Variants in PCDHGA11 observed in about 807,000 individuals in gnomAD.
PCDHGA11 encodes protocadherin gamma subfamily A, 11.
PCDHGA11 carries 39 observed loss-of-function variants against 60.4 expected under a neutral mutation model. That is an observed-to-expected ratio of 0.65 (90% CI 0.50 to 0.84). The LOEUF is 0.84. Ranked by LOEUF, PCDHGA11 falls within the 40% of genes least tolerant of loss-of-function variation. The probability of loss-of-function intolerance (pLI) is 0.00; values close to 1 mark genes in which losing one functional copy is unlikely to be tolerated. For synonymous variants in PCDHGA11, 533 were observed against 510.3 expected (o/e 1.04, Z -0.60); for missense variants, 1,165 against 1,197.7 (o/e 0.97, Z 0.40).
intron 1 of PCDHGA11, among the ~76,000 whole-genome samples, chr5:141,433,482 C>T (rs935076625): frequency 3.3e-5 from 5 of 152,110 alleles, no homozygotes; most frequent in African/African-American, 9.6e-5. Flanking sequence ...TAGCCTCCTG[C>T]TTCTCCCTCC....
intron 1 of PCDHGA11, among the ~76,000 whole-genome samples, chr5:141,488,553 T>C (rs2099676887): frequency 6.6e-6 from 1 of 152,166 alleles, no homozygotes; most frequent in South Asian, 2.1e-4. Flanking sequence ...TCAGCTGACA[T>C]TGAGATTTCC....
intron 1 of PCDHGA11, chr5:141,428,189 CTCTCTGCGCCGCTACGCTTCACCTAG>C: frequency 7.0e-7 from 1 of 1,429,262 alleles, no homozygotes; most frequent in Non-Finnish European, 9.7e-7. Flanking sequence ...ACAGCCGCCG[CTCTCTGCGCCGCTACGCTTCACCTAG>C]TCTTCGCAGA....
chr5:141,472,529 G>C lies in PCDHGA11; in HGVS notation c.2434-22278G>C, dbSNP rs553065027. 9.3e-5 allele frequency among the ~76,000 whole-genome samples: 14 copies of C among 151,058 alleles called. No individual in the cohort carries two copies. In the East Asian group the frequency reaches 2.6e-3, roughly 28 times the overall value. ...CACTCCAGCCTGGGTGACAGAGTGA[G>C]ACACCATCTCAAGAAAAAAAAAATT... On this transcript the variant is annotated intron_variant, in intron 1 of 3. Transcript: ENST00000398587.
At position 141,486,609 on chromosome 5, in the gene PCDHGA11, C is replaced by T; in HGVS notation, c.2434-8198C>T. The T allele has an allele frequency of 6.2e-7, 1 of 1,613,568 alleles. No homozygotes were observed. ...GGGGACCTGCTTTGCTCCCTTGCAG[C>T]CTCTGACCCAGACTCTGGCTTGAAT... On this transcript the variant is annotated intron_variant, in intron 1 of 3. Transcript: ENST00000398587. The surrounding 1 kb of genome is among the most constrained non-coding windows in gnomAD (Gnocchi z 5.0).
chr5:141,468,374 C>T (rs1340499708), intron 1 of PCDHGA11: 2 of 150,736 alleles, frequency 1.3e-5, no homozygotes, highest in Non-Finnish European at 3.0e-5. Context: ...ATAACTCAGC[C>T]ATACAAGGCT....
chr5:141,471,790 C>T (rs1465283136), intron 1 of PCDHGA11, among the ~76,000 whole-genome samples: 1 of 152,068 alleles, frequency 6.6e-6, no homozygotes, highest in Non-Finnish European at 1.5e-5. Context: ...TATGCTATGT[C>T]ATATAAAAGA....
rs183831513 is a variant in PCDHGA11 at position 141,497,605 on chromosome 5, T to A, written c.2492+2740T>A. ...CCCAAGCTGGAGTGCAGTGGTGCGA[T>A]CTTGGCTCACTGCAACCTCTGCCTG... On this transcript the variant is annotated intron_variant, in intron 2 of 3. Coordinates refer to ENST00000398587, the MANE Select transcript of PCDHGA11 (RefSeq NM_018914.3). Among the ~76,000 whole-genome samples, 19 of 151,488 alleles carry A rather than the reference T, an allele frequency of 1.3e-4. No individual in the cohort carries two copies. In the East Asian group the frequency reaches 3.7e-3, roughly 29 times the overall value.
chr5:141,433,514 G>C (rs1330494451), intron 1 of PCDHGA11, among the ~76,000 whole-genome samples: 1 of 152,016 alleles, frequency 6.6e-6, no homozygotes, highest in East Asian at 1.9e-4. Context: ...GATTACAGGC[G>C]TGAACCACAG....
At position 141,485,222 on chromosome 5, in the gene PCDHGA11, C is replaced by T; in HGVS notation, c.2434-9585C>T. On this transcript the variant is annotated intron_variant, in intron 1 of 3. Transcript: ENST00000398587. The surrounding 1 kb of genome is among the most constrained non-coding windows in gnomAD (Gnocchi z 5.7). The stretch of plus-strand genomic sequence containing the variant: ...GACAGAAATCTGGCGGTGGGCTACC[C>T]TTTTGTTCCTCTTTTACCACCTGGG... 4 of 1,614,196 alleles carry T rather than the reference C, an allele frequency of 2.5e-6. No homozygotes were observed. Among genetic ancestry groups the T allele is most frequent in the Non-Finnish European group, 2.5e-6 (3 of 1,180,020 alleles).
intron 1 of PCDHGA11, among the ~76,000 whole-genome samples, chr5:141,459,160 T>C (rs1330588092): frequency 6.6e-6 from 1 of 152,228 alleles, no homozygotes; most frequent in African/African-American, 2.4e-5. Context: ...AGAACATTTC[T>C]ATAACCTTCA....
chr5:141,433,192 A>G (rs756991371), intron 1 of PCDHGA11: 1 of 1,585,516 alleles, frequency 6.3e-7, no homozygotes, highest in Non-Finnish European at 8.6e-7. Flanking sequence ...AGGTGAGTTT[A>G]TATCAAATCT....
intron 1 of PCDHGA11, among the ~76,000 whole-genome samples, chr5:141,488,350 C>G (rs1191478919): frequency 6.6e-6 from 1 of 152,176 alleles, no homozygotes; most frequent in Non-Finnish European, 1.5e-5. Context: ...GAAACAGCCA[C>G]CCTGTGCATC....
At chr5:141,443,538 G>A (rs768723399) in intron 1 of PCDHGA11, among the ~76,000 whole-genome samples, 2 of 152,118 alleles carry the variant, frequency 1.3e-5, no homozygotes, top group African/African-American at 4.8e-5. Flanking sequence ...TTTAAAGCTT[G>A]GGAAATTGTT....
Position 141,485,064 on chromosome 5 carries a change from G to C in PCDHGA11, c.2434-9743G>C, listed in dbSNP as rs1205637757. On this transcript the variant is annotated intron_variant, in intron 1 of 3. Transcript: ENST00000398587. The surrounding 1 kb of genome is among the most constrained non-coding windows in gnomAD (Gnocchi z 5.7). ...TTGCGGCGCCGGCCGAACCGCGCCA[G>C]AGCTGGCGCGGGGAAAGGGAGATAG... The C allele has an allele frequency of 4.9e-5, 43 of 882,320 alleles. No individual in the cohort carries two copies. The highest frequency in any genetic ancestry group is 7.4e-5 in the Non-Finnish European group (41 of 557,230). 54.7% of individuals were successfully genotyped at this position (882,320 alleles called of 1,614,324 possible).
chr5:141,491,783 A>C lies in PCDHGA11; in HGVS notation c.2434-3024A>C. 1 of 1,539,736 alleles carries C rather than the reference A, an allele frequency of 6.5e-7. No individual in the cohort carries two copies. The highest frequency in any genetic ancestry group is 1.2e-5 in the South Asian group (1 of 82,444). On this transcript the variant is annotated intron_variant, in intron 1 of 3. Coordinates refer to ENST00000398587, the MANE Select transcript of PCDHGA11 (RefSeq NM_018914.3). The surrounding 1 kb of genome is among the most constrained non-coding windows in gnomAD (Gnocchi z 6.9). ...CGTCCTCATAAGGGATTGAACTTGC[A>C]TCCACTCCTCTCCGGCCGGCTTGGT...
In PCDHGA11 at chr5:141,486,661, G is replaced by T. The variant is rs373446844; in HGVS notation, c.2434-8146G>T. ...CGCTTATCTCCTACTCACTCCTGGA[G>T]CCCAGGAATCGAGATGTATCAGCTT... is the stretch of plus-strand genomic sequence containing the variant. On this transcript the variant is annotated intron_variant, in intron 1 of 3. Transcript: ENST00000398587. The surrounding 1 kb of genome is among the most constrained non-coding windows in gnomAD (Gnocchi z 5.0). 6.2e-6 allele frequency: 10 copies of T among 1,613,836 alleles called. No individual in the cohort carries two copies. Among genetic ancestry groups the T allele is most frequent in the African/African-American group, 4.0e-5 (3 of 74,918 alleles).
rs558513172 is a variant in PCDHGA11 at position 141,424,015 on chromosome 5, A to T, written c.2433+355A>T. The T allele has an allele frequency of 3.0e-5, 32 of 1,060,896 alleles. No individual in the cohort carries two copies. The Admixed American group carries it at 3.2e-4, about 11-fold the overall frequency. The allele number at this position is 1,060,896 out of a possible 1,614,324, so 65.7% of individuals were successfully genotyped here. A position where few individuals can be genotyped will look rare whatever the true frequency, so the allele number is the denominator to read the frequency against. ...TATTATATATAGATACAAATTAATGATTCACAAACACTTTTTATTTCCATT... is the reference window on the plus strand; with the variant it reads ...TATTATATATAGATACAAATTAATGTTTCACAAACACTTTTTATTTCCATT... On this transcript the variant is annotated intron_variant, in intron 1 of 3. Transcript: ENST00000398587.
Position 141,485,486 on chromosome 5 carries a change from C to A in PCDHGA11, c.2434-9321C>A. On this transcript the variant is annotated intron_variant, in intron 1 of 3. Transcript: ENST00000398587. This position sits in a 1 kb window ranked among gnomAD's most constrained non-coding sequence, Gnocchi z 5.7. Reference sequence around the variant, plus strand: ...TGGGCTCAGTGCCAGCTGCATCGTGCCCCTGGAGTTTGTCACCGAAGGTCC... The same window carrying A: ...TGGGCTCAGTGCCAGCTGCATCGTGACCCTGGAGTTTGTCACCGAAGGTCC... 6.2e-7 allele frequency: 1 copy of A among 1,614,104 alleles called. No individual in the cohort carries two copies.
chr5:141,431,023 C>G lies in PCDHGA11; in HGVS notation c.2433+7363C>G. 6.2e-7 allele frequency: 1 copy of G among 1,613,748 alleles called. No homozygotes were observed. Among genetic ancestry groups the G allele is most frequent in the Non-Finnish European group, 8.5e-7 (1 of 1,179,820 alleles). On this transcript the variant is annotated intron_variant, in intron 1 of 3. Transcript: ENST00000398587. This position sits in a 1 kb window ranked among gnomAD's most constrained non-coding sequence, Gnocchi z 4.8. ...GCAGCGGCAGCTTGGTCACGGCGGG[C>G]AGGATAGACCGGGAGGAGCTCTGTA...
Sources: gnomAD v4.1 joint callset for allele counts (sites outside exome capture counted in the v4.1 genomes callset) on GRCh38, gnomAD v4.1.1 for gene constraint, Gnocchi (gnomAD v3.1) non-coding constraint, MANE v1.5 for transcripts, NCBI Gene and HGNC (gene_info 2026-07-23, HGNC 2026-07-21) for gene names.